Variants in HMCN2 observed in about 807,000 individuals in gnomAD.
HMCN2 encodes hemicentin 2, also known as hemicentin-2.
A neutral mutation model predicts 377.5 loss-of-function variants in HMCN2; 325 were observed. The observed-to-expected ratio is 0.86, with a 90% confidence interval of 0.79 to 0.94. The LOEUF is 0.94. Among genes scored for constraint, HMCN2 ranks in the 40% least tolerant of loss-of-function variants. HMCN2 has a pLI of 0.00. For missense variants in HMCN2, 4,543 were observed against 4,725.3 expected (o/e 0.96, Z 1.13); for synonymous variants, 2,007 against 2,046.8 (o/e 0.98, Z 0.53).
chr9:130,432,863 G>A (rs1368671863), intron 97 of HMCN2: 2 of 437,862 alleles, frequency 4.6e-6, no homozygotes, highest in Admixed American at 3.9e-5. Context: ...CAAGACACAC[G>A]GAGACATGGG....
intron 33 of HMCN2, 65 bp downstream of exon 33, chr9:130,355,919 G>C (rs535260200): frequency 1.8e-5 from 19 of 1,050,814 alleles, no homozygotes; most frequent in Admixed American, 7.2e-5. Context: ...TGCGGATTGT[G>C]GGGGGAAGTG....
At chr9:130,410,752 A>T in intron 85 of HMCN2, 100 bp downstream of exon 85, 1 of 962,128 alleles carries the variant, frequency 1.0e-6, no homozygotes, top group South Asian at 1.4e-5. Flanking sequence ...TGGGACTTGG[A>T]ATTCTTTCAT....
chr9:130,309,933 C>T lies in HMCN2; in HGVS notation c.2222C>T (p.Ala741Val), dbSNP rs546070186. 7.7e-6 allele frequency: 4 copies of T among 517,982 alleles called. No individual in the cohort carries two copies. Among genetic ancestry groups the T allele is most frequent in the Middle Eastern group, 3.2e-4 (1 of 3,120 alleles). 32.1% of individuals were successfully genotyped at this position (517,982 alleles called of 1,614,324 possible). A position where few individuals can be genotyped will look rare whatever the true frequency, so the allele number is the denominator to read the frequency against. Residue 741 changes from alanine to valine, a missense_variant, in exon 15 of 98, where the codon GCC (alanine) becomes GTC (valine). Transcript: ENST00000683500. Reference protein sequence around the residue: ...WYRGGLEMILAPEGSSSGKLR... With the variant: ...WYRGGLEMILVPEGSSSGKLR... ...CCAGGGGGTCTTGAAATGATCCTGG[C>T]CCCTGAGGGCTCCAGCTCTGGGAAG...
At chr9:130,433,100 A>G in intron 97 of HMCN2, 1 of 458,754 alleles carries the variant, frequency 2.2e-6, no homozygotes, top group Non-Finnish European at 3.8e-6. Flanking sequence ...TGGGGCATGG[A>G]TCCCGAAAGT....
At chr9:130,315,895 C>T (rs932806658) in intron 15 of HMCN2, among the ~76,000 whole-genome samples, 5 of 152,170 alleles carry the variant, frequency 3.3e-5, no homozygotes, top group Admixed American at 6.5e-5. Context: ...GTAGGGGCCT[C>T]ACTCTCATGA....
rs536035114 is a variant in HMCN2 at position 130,303,228 on chromosome 9, C to T, written c.1421+227C>T. ...AGCTGGTGAAGGAGCCGGGGGCCTT[C>T]CTCAGCTCCTGGAAAACTCAACCCA... is the stretch of plus-strand genomic sequence containing the variant. On this transcript the variant is annotated intron_variant, in intron 9 of 97. Coordinates refer to ENST00000683500, the MANE Select transcript of HMCN2 (RefSeq NM_001291815.2). This position sits in a 1 kb window ranked among gnomAD's most constrained non-coding sequence, Gnocchi z 5.2. 6.6e-6 allele frequency among the ~76,000 whole-genome samples: 1 copy of T among 152,330 alleles called. No individual in the cohort carries two copies. Among genetic ancestry groups the T allele is most frequent in the Admixed American group, 6.5e-5 (1 of 15,302 alleles).
chr9:130,329,969 T>G, intron 22 of HMCN2, among the ~76,000 whole-genome samples: 1 of 123,060 alleles, frequency 8.1e-6, no homozygotes, highest in African/African-American at 3.1e-5. Context: ...CCTCCTCCCC[T>G]CCCCCCCTTC....
intron 4 of HMCN2, among the ~76,000 whole-genome samples, chr9:130,294,506 T>C (rs1163178864): frequency 6.6e-6 from 1 of 152,088 alleles, no homozygotes; most frequent in Non-Finnish European, 1.5e-5. Context: ...AGTTTCCAGA[T>C]CTCCAGGGTT....
intron 16 of HMCN2, among the ~76,000 whole-genome samples, chr9:130,319,976 C>T (rs1837761769): frequency 6.6e-6 from 1 of 152,186 alleles, no homozygotes; most frequent in African/African-American, 2.4e-5. Context: ...GTGCTTAGCA[C>T]AGTTCTTGCC....
intron 43 of HMCN2, 133 bp downstream of exon 43, chr9:130,366,128 G>GTAACCAGCATCCCCACCC: frequency 1.5e-6 from 1 of 654,894 alleles, no homozygotes; most frequent in Non-Finnish European, 1.9e-6. Flanking sequence ...GGGTGGGGAT[G>GTAACCAGCATCCCCACCC]CTGGTTACAG....
intron 1 of HMCN2, among the ~76,000 whole-genome samples, chr9:130,266,659 C>T (rs1786956334): frequency 6.6e-6 from 1 of 152,222 alleles, no homozygotes; most frequent in Non-Finnish European, 1.5e-5. Flanking sequence ...AGCGGACTCA[C>T]CCTTGCTGGT....
intron 1 of HMCN2, among the ~76,000 whole-genome samples, chr9:130,278,149 C>G (rs10435905): frequency 0.81 from 110,833 of 137,394 alleles, 45,390 homozygotes; most frequent in African/African-American, 0.91. Context: ...TTTTGAGACG[C>G]AGTCTCGCTC....
chr9:130,371,235 T>G, intron 46 of HMCN2, 104 bp downstream of exon 46: 1 of 628,130 alleles, frequency 1.6e-6, no homozygotes. Flanking sequence ...CTGCCAGGCC[T>G]GGTTGGAATA....
At chr9:130,396,470 T>A (rs1355947926) in intron 73 of HMCN2, among the ~76,000 whole-genome samples, 157 bp downstream of exon 73, 2 of 152,016 alleles carry the variant, frequency 1.3e-5, no homozygotes, top group African/African-American at 4.8e-5. Flanking sequence ...CTCATGAAGG[T>A]CTCTTGCTTG....
chr9:130,394,337 C>G lies in HMCN2; in HGVS notation c.10502-48C>G. 8.3e-7 allele frequency: 1 copy of G among 1,199,750 alleles called. No individual in the cohort carries two copies. Among genetic ancestry groups the G allele is most frequent in the Non-Finnish European group, 1.1e-6 (1 of 910,478 alleles). The allele number at this position is 1,199,750 out of a possible 1,614,324, so 74.3% of individuals were successfully genotyped here. A position where few individuals can be genotyped will look rare whatever the true frequency, so the allele number is the denominator to read the frequency against. ...ACAGTGTTTTCAAGTGCGGTGCTGT[C>G]CCGGAAATGTGTGTCAATTGTGTGT... is the stretch of plus-strand genomic sequence containing the variant. On this transcript the variant is annotated intron_variant, in intron 68 of 97. Transcript: ENST00000683500. This position sits in a 1 kb window ranked among gnomAD's most constrained non-coding sequence, Gnocchi z 5.1.
chr9:130,344,985 T>A (rs1400655300), intron 25 of HMCN2, among the ~76,000 whole-genome samples: 2 of 147,210 alleles, frequency 1.4e-5, no homozygotes, highest in Non-Finnish European at 3.0e-5. Context: ...GTATATGTTG[T>A]ATGTGTTGTG....
chr9:130,274,577 C>T (rs1564736743), intron 1 of HMCN2, among the ~76,000 whole-genome samples: 1 of 152,040 alleles, frequency 6.6e-6, no homozygotes, highest in Non-Finnish European at 1.5e-5. Flanking sequence ...TAATCCATTC[C>T]CTTCAAGAAT....
chr9:130,386,351 TG>T, intron 60 of HMCN2, 91 bp from the exon 61 acceptor site: 1 of 698,172 alleles, frequency 1.4e-6, no homozygotes, highest in Non-Finnish European at 2.1e-6. Context: ...GCCCCTGCTC[TG>T]GAAGTTTTGG....
At chr9:130,317,507 T>C (rs919172131) in intron 15 of HMCN2, among the ~76,000 whole-genome samples, 11 of 133,058 alleles carry the variant, frequency 8.3e-5, no homozygotes, top group South Asian at 2.4e-4. Flanking sequence ...CTCTCTCTCT[T>C]TTTTGTAGAC....
Sources: gnomAD v4.1 joint callset for allele counts (sites outside exome capture counted in the v4.1 genomes callset) on GRCh38, gnomAD v4.1.1 for gene constraint, Gnocchi (gnomAD v3.1) non-coding constraint, MANE v1.5 for transcripts, NCBI Gene and HGNC (gene_info 2026-07-23, HGNC 2026-07-21) for gene names.